The following CDKAL1 variants were observed in gnomAD, a reference collection of about 807,000 sequenced individuals.
CDKAL1 encodes the protein threonylcarbamoyladenosine tRNA methylthiotransferase.
CDKAL1 carries 32 observed loss-of-function variants against 68.2 expected under a neutral mutation model. The ratio of observed to expected loss-of-function variants is 0.47; its 90% confidence interval spans 0.35 to 0.63. The LOEUF is 0.63. CDKAL1 is among the 30% of genes least tolerant of loss of function. CDKAL1 has a pLI of 0.00. For synonymous variants in CDKAL1, 234 were observed against 244.3 expected, an observed-to-expected ratio of 0.96 and a Z score of 0.39; for missense variants, 606 against 696.7, an observed-to-expected ratio of 0.87 and a Z score of 1.47.
At chr6:21,128,625 T>C (rs760710651) in intron 13 of CDKAL1, among the ~76,000 whole-genome samples, 23 of 152,202 alleles carry the variant, frequency 1.5e-4, no homozygotes, top group Non-Finnish European at 2.8e-4. Flanking sequence ...TAACAAGATA[T>C]TTTAGGATAA....
At chr6:20,609,331 C>T (rs1235069609) in intron 4 of CDKAL1, among the ~76,000 whole-genome samples, 3 of 147,852 alleles carry the variant, frequency 2.0e-5, no homozygotes, top group South Asian at 2.2e-4. Flanking sequence ...TCTCTCCCTC[C>T]TCCCTCTCTT....
chr6:20,817,630 A>AT (rs1235680273), intron 8 of CDKAL1, among the ~76,000 whole-genome samples: 1 of 152,078 alleles, frequency 6.6e-6, no homozygotes, highest in Non-Finnish European at 1.5e-5. Context: ...TATGCTACTC[A>AT]TTTTTTTATG....
chr6:21,029,081 C>CT (rs1335347519), intron 11 of CDKAL1, among the ~76,000 whole-genome samples: 1 of 152,154 alleles, frequency 6.6e-6, no homozygotes, highest in African/African-American at 2.4e-5. Context: ...GAGTCTCACT[C>CT]TGTTTCCCAG....
At chr6:20,679,010 T>A (rs1328875310) in intron 5 of CDKAL1, among the ~76,000 whole-genome samples, 3 of 152,132 alleles carry the variant, frequency 2.0e-5, no homozygotes, top group South Asian at 2.1e-4. Flanking sequence ...GCTCAAGGGA[T>A]CTTCCCACTT....
chr6:21,023,546 C>G (rs1364219650), intron 11 of CDKAL1, among the ~76,000 whole-genome samples: 1 of 151,858 alleles, frequency 6.6e-6, no homozygotes, highest in African/African-American at 2.4e-5. Context: ...TTTTCCATAC[C>G]CCTGTCAAAC....
At chr6:20,876,037 A>C (rs1168240184) in intron 9 of CDKAL1, among the ~76,000 whole-genome samples, 1 of 152,246 alleles carries the variant, frequency 6.6e-6, no homozygotes, top group Non-Finnish European at 1.5e-5. Flanking sequence ...TGTTAAAATA[A>C]TTTGGCAATC....
intron 11 of CDKAL1, among the ~76,000 whole-genome samples, chr6:21,019,115 AT>A (rs1471684837): frequency 6.6e-6 from 1 of 151,936 alleles, no homozygotes; most frequent in Non-Finnish European, 1.5e-5. Flanking sequence ...TGCCTGGCTA[AT>A]TTTTATATTT....
Position 21,207,524 on chromosome 6 carries a change from A to T in CDKAL1, c.1548+6250A>T, listed in dbSNP as rs577340923. ...AATGAAACCTTATCTCAAGCAAAAA[A>T]AAAGTACTTTGCGTTCATGGATTTC... On this transcript the variant is annotated intron_variant, in intron 15 of 15. Coordinates refer to ENST00000274695, the MANE Select transcript of CDKAL1 (RefSeq NM_017774.3). Among the ~76,000 whole-genome samples the T allele has an allele frequency of 1.9e-4, 29 of 152,264 alleles. No homozygotes were observed. The South Asian group carries it at 6.0e-3, about 32-fold the overall frequency.
In CDKAL1 at chr6:20,647,884, A is replaced by G. The variant is rs988384590; in HGVS notation, c.287-1409A>G. On this transcript the variant is annotated intron_variant, in intron 4 of 15. Coordinates refer to ENST00000274695, the MANE Select transcript of CDKAL1 (RefSeq NM_017774.3). ...ATAGTATTCAGCTGATAAATAGTGT[A>G]AGTAGTTTCCATGCCTTTCATTGTT... Among the ~76,000 whole-genome samples the G allele has an allele frequency of 1.6e-4, 25 of 151,670 alleles. 1 individual carries two copies. Among genetic ancestry groups the G allele is most frequent in the Admixed American group, 1.5e-3 (23 of 15,230 alleles).
chr6:20,582,095 T>C (rs921535408), intron 4 of CDKAL1, among the ~76,000 whole-genome samples: 1 of 152,208 alleles, frequency 6.6e-6, no homozygotes, highest in African/African-American at 2.4e-5. Flanking sequence ...AATTTAATTG[T>C]TTATAAGACA....
chr6:20,864,202 A>G (rs184579685), intron 9 of CDKAL1, among the ~76,000 whole-genome samples: 111 of 121,264 alleles, frequency 9.2e-4, no homozygotes, highest in Non-Finnish European at 1.7e-3. Flanking sequence ...TTAATTTTGA[A>G]AATCTGTAAT....
intron 4 of CDKAL1, among the ~76,000 whole-genome samples, chr6:20,647,525 ATTCAGTAT>A (rs1768532095): frequency 2.6e-5 from 4 of 152,218 alleles, no homozygotes; most frequent in Admixed American, 2.6e-4. Context: ...ATAAAAATGT[ATTCAGTAT>A]CTCTTAAATA....
At chr6:20,775,758 A>G (rs1001298490) in intron 7 of CDKAL1, among the ~76,000 whole-genome samples, 2 of 152,316 alleles carry the variant, frequency 1.3e-5, no homozygotes, top group Non-Finnish European at 1.5e-5. Flanking sequence ...GGTAGTAAAT[A>G]GTATTTATAT....
chr6:20,803,406 T>A (rs867876251), intron 8 of CDKAL1, among the ~76,000 whole-genome samples: 2 of 152,228 alleles, frequency 1.3e-5, no homozygotes, highest in African/African-American at 4.8e-5. Context: ...TTCAAAACTT[T>A]GTCAAATATC....
At chr6:20,778,073 C>T (rs757923064) in intron 7 of CDKAL1, among the ~76,000 whole-genome samples, 2 of 151,950 alleles carry the variant, frequency 1.3e-5, no homozygotes, top group African/African-American at 2.4e-5. Flanking sequence ...TAAATAGCAT[C>T]AGGACAGTTG....
At chr6:21,190,874 C>T (rs1364777379) in intron 13 of CDKAL1, among the ~76,000 whole-genome samples, 1 of 152,048 alleles carries the variant, frequency 6.6e-6, no homozygotes, top group Non-Finnish European at 1.5e-5. Flanking sequence ...CTTTTTGTAA[C>T]TCAGCATCTC....
Position 20,649,380 on chromosome 6 carries a change from A to T in CDKAL1, c.371+3A>T. 2.0e-6 allele frequency: 3 copies of T among 1,535,722 alleles called. No homozygotes were observed. The highest frequency in any genetic ancestry group is 2.7e-6 in the Non-Finnish European group (3 of 1,120,420). Reference sequence around the variant, plus strand: ...GACCACTTTAGAAACTCAATTAAGTAAGTAGAAATTGATTTTTTCCTATTT... The same window carrying T: ...GACCACTTTAGAAACTCAATTAAGTTAGTAGAAATTGATTTTTTCCTATTT... On this transcript the variant is annotated splice_donor_region_variant and intron_variant, in intron 5 of 15. Coordinates refer to ENST00000274695, the MANE Select transcript of CDKAL1 (RefSeq NM_017774.3).
chr6:20,940,317 T>G (rs1417197483), intron 9 of CDKAL1, among the ~76,000 whole-genome samples: 1 of 152,202 alleles, frequency 6.6e-6, no homozygotes, highest in Admixed American at 6.5e-5. Flanking sequence ...GAAAGTATAA[T>G]TTATTAATAT....
At chr6:20,611,501 A>G (rs1766615579) in intron 4 of CDKAL1, among the ~76,000 whole-genome samples, 1 of 152,188 alleles carries the variant, frequency 6.6e-6, no homozygotes, top group Non-Finnish European at 1.5e-5. Flanking sequence ...ACCCAGAATG[A>G]ACATGTTTGT....
Sources: allele counts gnomAD v4.1 joint callset (sites outside exome capture counted in the v4.1 genomes callset), GRCh38; gene constraint gnomAD v4.1.1; transcripts MANE v1.5; gene names NCBI Gene and HGNC (gene_info 2026-07-23, HGNC 2026-07-21).